OSBP2: variants seen among roughly 807,000 people sequenced by gnomAD.
OSBP2 encodes oxysterol binding protein 2, also known as oxysterol-binding protein 2.
In OSBP2, 66 loss-of-function variants were observed where a neutral mutation model predicts 96.0. The ratio of observed to expected loss-of-function variants is 0.69; its 90% confidence interval spans 0.56 to 0.84. OSBP2 has a LOEUF of 0.84. OSBP2 is among the 40% of genes least tolerant of loss of function. OSBP2 has a pLI of 0.00. For missense variants in OSBP2, 1,038 were observed against 1,222.7 expected (o/e 0.85, Z 2.25); for synonymous variants, 525 against 520.9 (o/e 1.01, Z -0.11).
intron 1 of OSBP2, among the ~76,000 whole-genome samples, chr22:30,721,676 G>A (rs1053765400): frequency 6.6e-6 from 1 of 152,136 alleles, no homozygotes; most frequent in Non-Finnish European, 1.5e-5. Flanking sequence ...TAATACTGGA[G>A]GCCATGAAGG....
At chr22:30,757,080 G>T (rs1304062011) in intron 2 of OSBP2, among the ~76,000 whole-genome samples, 1 of 152,068 alleles carries the variant, frequency 6.6e-6, no homozygotes, top group African/African-American at 2.4e-5. Flanking sequence ...CTCAAACCCA[G>T]AATATCTGCT....
At chr22:30,894,114 C>T in intron 12 of OSBP2, 113 bp downstream of exon 12, 1 of 818,798 alleles carries the variant, frequency 1.2e-6, no homozygotes, top group Non-Finnish European at 1.9e-6. Flanking sequence ...CACACATGGG[C>T]AGAGAACAGT....
chr22:30,704,700 A>G (rs1263247280), intron 1 of OSBP2, among the ~76,000 whole-genome samples: 1 of 152,116 alleles, frequency 6.6e-6, no homozygotes, highest in Non-Finnish European at 1.5e-5. Context: ...TCCTGACCTC[A>G]GGTGATCTCA....
chr22:30,776,125 T>A (rs981243563), intron 2 of OSBP2, among the ~76,000 whole-genome samples: 4 of 151,702 alleles, frequency 2.6e-5, no homozygotes, highest in Non-Finnish European at 4.4e-5. Flanking sequence ...CTTTTTTTTT[T>A]TTTTATTTTT....
At chr22:30,888,121 T>G in intron 4 of OSBP2, 102 bp from the exon 5 acceptor site, 1 of 762,938 alleles carries the variant, frequency 1.3e-6, no homozygotes, top group Non-Finnish European at 2.3e-6. Context: ...AGGAGGGGAG[T>G]GAGGCCAGAT....
intron 2 of OSBP2, among the ~76,000 whole-genome samples, chr22:30,803,736 T>A (rs532444880): frequency 5.3e-5 from 8 of 152,306 alleles, no homozygotes; most frequent in African/African-American, 1.9e-4. Context: ...CACCTGGCTG[T>A]TATAAGTGAG....
At chr22:30,799,026 A>G (rs1481582874) in intron 2 of OSBP2, among the ~76,000 whole-genome samples, 1 of 151,764 alleles carries the variant, frequency 6.6e-6, no homozygotes, top group Non-Finnish European at 1.5e-5. Context: ...AAAAAAAAAA[A>G]AAAGAAATTA....
intron 1 of OSBP2, among the ~76,000 whole-genome samples, chr22:30,730,806 ATAATTTTTT>A (rs2089762624): frequency 7.2e-5 from 3 of 41,562 alleles, no homozygotes; most frequent in African/African-American, 3.9e-4. Flanking sequence ...ATATATATAT[ATAATTTTTT>A]TTTTTTTTCC....
intron 2 of OSBP2, among the ~76,000 whole-genome samples, chr22:30,847,302 A>AGAGG (rs1387493748): frequency 6.7e-6 from 1 of 149,842 alleles, no homozygotes; most frequent in African/African-American, 2.5e-5. Flanking sequence ...TTTTTCCCTG[A>AGAGG]GAGGGAGTCT....
At chr22:30,730,716 GTCTCTCTCTCTCTCTCTCTCTCTC>G (rs1191165719) in intron 1 of OSBP2, among the ~76,000 whole-genome samples, 67 of 19,964 alleles carry the variant, frequency 3.4e-3, no homozygotes, top group South Asian at 0.018. Flanking sequence ...TCGCTGCCCT[GTCTCTCTCTCTCTCTCTCTCTCTC>G]TCTCTCTCTC....
At chr22:30,719,808 G>T (rs2089518726) in intron 1 of OSBP2, among the ~76,000 whole-genome samples, 2 of 151,160 alleles carry the variant, frequency 1.3e-5, no homozygotes, top group Non-Finnish European at 2.9e-5. Context: ...ATAGCTTGAG[G>T]CCAGGAGTTC....
intron 2 of OSBP2, chr22:30,822,592 G>A (rs1471795730): frequency 3.9e-6 from 6 of 1,523,394 alleles, no homozygotes; most frequent in South Asian, 1.2e-5. Flanking sequence ...CCGGCGCCAT[G>A]TAGCGCCCCG....
At chr22:30,742,055 C>T (rs571614052) in intron 2 of OSBP2, among the ~76,000 whole-genome samples, 4 of 151,840 alleles carry the variant, frequency 2.6e-5, no homozygotes, top group South Asian at 4.2e-4. Context: ...CCTGACCTCA[C>T]GTGATCCGCC....
At chr22:30,886,173 A>ATATT (rs1569165862) in intron 3 of OSBP2, among the ~76,000 whole-genome samples, 1 of 152,176 alleles carries the variant, frequency 6.6e-6, no homozygotes, top group African/African-American at 2.4e-5. Flanking sequence ...GGTTTTATAT[A>ATATT]TTTTAGGGAG....
At chr22:30,768,761 C>T (rs1052814965) in intron 2 of OSBP2, among the ~76,000 whole-genome samples, 2 of 152,120 alleles carry the variant, frequency 1.3e-5, no homozygotes, top group African/African-American at 2.4e-5. Context: ...AGGGCAATTA[C>T]CTTGATTGCT....
intron 2 of OSBP2, among the ~76,000 whole-genome samples, chr22:30,852,705 C>G (rs1447215955): frequency 3.9e-5 from 6 of 152,056 alleles, no homozygotes; most frequent in Non-Finnish European, 5.9e-5. Context: ...TTTCTAGCTT[C>G]TTAATGTAGA....
At chr22:30,845,682 G>A (rs1314772180) in intron 2 of OSBP2, among the ~76,000 whole-genome samples, 1 of 151,444 alleles carries the variant, frequency 6.6e-6, no homozygotes, top group Non-Finnish European at 1.5e-5. Context: ...AGGAGTTCGA[G>A]ACCAGCCTGG....
At chr22:30,785,760 G>A (rs1387433585) in intron 2 of OSBP2, among the ~76,000 whole-genome samples, 1 of 152,102 alleles carries the variant, frequency 6.6e-6, no homozygotes, top group Non-Finnish European at 1.5e-5. Flanking sequence ...CCCCCCTGCT[G>A]TTCCAGTGAT....
intron 2 of OSBP2, among the ~76,000 whole-genome samples, chr22:30,863,481 C>T (rs945023435): frequency 6.6e-6 from 1 of 152,184 alleles, no homozygotes; most frequent in African/African-American, 2.4e-5. Flanking sequence ...CATAGCCAGA[C>T]TGTGACAAAA....
Sources: allele counts gnomAD v4.1 joint callset (sites outside exome capture counted in the v4.1 genomes callset), GRCh38; gene constraint gnomAD v4.1.1; transcripts MANE v1.5; gene names NCBI Gene and HGNC (gene_info 2026-07-23, HGNC 2026-07-21).